The following PTPRD variants were observed in gnomAD, a reference collection of about 807,000 sequenced individuals.
PTPRD encodes the protein protein tyrosine phosphatase receptor type D.
A neutral mutation model predicts 214.5 loss-of-function variants in PTPRD; 34 were observed. The observed-to-expected ratio is 0.16, with a 90% confidence interval of 0.12 to 0.21. The LOEUF is 0.21. Among genes scored for constraint, PTPRD ranks in the 10% least tolerant of loss-of-function variants. PTPRD has a pLI of 1.00. For synonymous variants in PTPRD, 1,128 were observed against 845.7 expected (o/e 1.33, Z -5.79); for missense variants, 2,545 against 2,398.7 (o/e 1.06, Z -1.27).
At chr9:9,954,686 TCCTC>T (rs1392334755) in intron 4 of PTPRD, among the ~76,000 whole-genome samples, 3 of 152,054 alleles carry the variant, frequency 2.0e-5, no homozygotes, top group Admixed American at 6.6e-5. Context: ...AAAATAGTAA[TCCTC>T]CCTCCCATCT....
intron 8 of PTPRD, among the ~76,000 whole-genome samples, chr9:9,399,819 A>G (rs967034909): frequency 2.0e-5 from 3 of 152,054 alleles, no homozygotes; most frequent in African/African-American, 7.2e-5. Context: ...GCCATGTGGA[A>G]CTGTGAATGA....
intron 2 of PTPRD, among the ~76,000 whole-genome samples, chr9:10,537,114 G>A (rs1429561079): frequency 6.6e-6 from 1 of 151,970 alleles, no homozygotes; most frequent in Non-Finnish European, 1.5e-5. Context: ...AAAACTATAG[G>A]ACTATTGTCA....
chr9:10,608,592 A>G (rs2080107651), intron 2 of PTPRD, among the ~76,000 whole-genome samples: 1 of 152,150 alleles, frequency 6.6e-6, no homozygotes, highest in Non-Finnish European at 1.5e-5. Flanking sequence ...TATTCAGTAT[A>G]TTAGTCACAT....
chr9:8,519,818 G>T (rs1439664714), intron 20 of PTPRD, among the ~76,000 whole-genome samples: 1 of 152,158 alleles, frequency 6.6e-6, no homozygotes, highest in East Asian at 1.9e-4. Context: ...AGTGGCAAGA[G>T]TCAGGAAAAC....
At chr9:9,008,257 C>T (rs1303460116) in intron 11 of PTPRD, among the ~76,000 whole-genome samples, 4 of 59,840 alleles carry the variant, frequency 6.7e-5, no homozygotes, top group African/African-American at 1.5e-4. Flanking sequence ...GAGACAGAGT[C>T]TCACTCTGTT....
chr9:9,604,162 A>G (rs534368066), intron 7 of PTPRD, among the ~76,000 whole-genome samples: 5 of 152,206 alleles, frequency 3.3e-5, no homozygotes, highest in Admixed American at 1.3e-4. Context: ...TTAGAACATA[A>G]GCCACTGATT....
intron 7 of PTPRD, among the ~76,000 whole-genome samples, chr9:9,626,206 G>T (rs901007668): frequency 6.6e-6 from 1 of 152,204 alleles, no homozygotes; most frequent in Admixed American, 6.5e-5. Context: ...GCAGATGCCT[G>T]ATTTTTATTT....
At chr9:9,775,130 C>T (rs539022495) in intron 5 of PTPRD, among the ~76,000 whole-genome samples, 71 of 152,284 alleles carry the variant, frequency 4.7e-4, no homozygotes, top group African/African-American at 1.7e-3. Context: ...CAGGCATTTA[C>T]GTATCTGTCA....
chr9:10,518,987 G>A (rs1038157974), intron 2 of PTPRD, among the ~76,000 whole-genome samples: 2 of 151,256 alleles, frequency 1.3e-5, no homozygotes, highest in African/African-American at 4.9e-5. Context: ...TTTTTTAATG[G>A]TCAGAAGAAA....
At chr9:9,845,513 A>G (rs574149862) in intron 5 of PTPRD, among the ~76,000 whole-genome samples, 2 of 151,912 alleles carry the variant, frequency 1.3e-5, no homozygotes, top group South Asian at 4.2e-4. Context: ...GGGGGGCATC[A>G]ATTCATGTTA....
intron 39 of PTPRD, among the ~76,000 whole-genome samples, chr9:8,365,138 TA>T (rs111709042): frequency 0.066 from 9,905 of 150,162 alleles, 421 homozygotes; most frequent in Middle Eastern, 0.11. Flanking sequence ...CTCTGAAATT[TA>T]AAAAAAAAAT....
At chr9:10,133,660 T>G (rs2098919780) in intron 3 of PTPRD, among the ~76,000 whole-genome samples, 1 of 152,144 alleles carries the variant, frequency 6.6e-6, no homozygotes, top group African/African-American at 2.4e-5. Flanking sequence ...AAATAATATG[T>G]AAAGTAGAAA....
chr9:9,439,789 A>G (rs913035484), intron 8 of PTPRD, among the ~76,000 whole-genome samples: 2 of 152,214 alleles, frequency 1.3e-5, no homozygotes, highest in Non-Finnish European at 2.9e-5. Context: ...CTTTATTTGT[A>G]TAATTTCATT....
At chr9:10,108,159 T>C (rs1336065218) in intron 3 of PTPRD, among the ~76,000 whole-genome samples, 1 of 152,084 alleles carries the variant, frequency 6.6e-6, no homozygotes, top group Admixed American at 6.6e-5. Flanking sequence ...ATTTGTTATA[T>C]TGTTTTCTTT....
At chr9:9,970,852 G>A (rs557674719) in intron 4 of PTPRD, among the ~76,000 whole-genome samples, 5 of 152,262 alleles carry the variant, frequency 3.3e-5, no homozygotes, top group Admixed American at 3.3e-4. Context: ...ATGTCACACT[G>A]GAACATGGCG....
At chr9:10,171,091 A>G (rs149417121) in intron 3 of PTPRD, among the ~76,000 whole-genome samples, 1 of 152,308 alleles carries the variant, frequency 6.6e-6, no homozygotes, top group Non-Finnish European at 1.5e-5. Context: ...AACAGCAACA[A>G]TGTACATTTA....
Position 8,933,340 on chromosome 9 carries a change from G to GTTTTGTTTTTTTTTTTTTTTTTT in PTPRD, c.-104+85356_-104+85357insAAAAAAAAAAAAAAAAAACAAAA, listed in dbSNP as rs2098966631. ...CCATCTTGCCAGCCACAACCTTGAG[G>GTTTTGTTTTTTTTTTTTTTTTTT]TTTTTTTTTTTTTTTTTTTTTTTAC... On this transcript the variant is annotated intron_variant, in intron 11 of 45. Transcript: ENST00000381196. 3.6e-4 allele frequency among the ~76,000 whole-genome samples: 29 copies of GTTTTGTTTTTTTTTTTTTTTTTT among 80,426 alleles called. 1 individual carries two copies. Among genetic ancestry groups the GTTTTGTTTTTTTTTTTTTTTTTT allele is most frequent in the African/African-American group, 1.4e-3 (28 of 19,752 alleles). The allele number at this position is 80,426 out of a possible 152,430, so 52.8% of individuals were successfully genotyped here.
At chr9:8,498,297 G>C (rs1592066304) in intron 25 of PTPRD, among the ~76,000 whole-genome samples, 1 of 151,978 alleles carries the variant, frequency 6.6e-6, no homozygotes, top group African/African-American at 2.4e-5. Flanking sequence ...TATTTTTTGA[G>C]ATGCAATCTT....
chr9:8,795,746 G>C (rs917661364), intron 11 of PTPRD, among the ~76,000 whole-genome samples: 4 of 152,142 alleles, frequency 2.6e-5, no homozygotes, highest in Non-Finnish European at 4.4e-5. Context: ...TATTTATGAA[G>C]TGGAAACGCG....
Sources: allele counts gnomAD v4.1 joint callset (sites outside exome capture counted in the v4.1 genomes callset), GRCh38; gene constraint gnomAD v4.1.1; transcripts MANE v1.5; gene names NCBI Gene and HGNC (gene_info 2026-07-23, HGNC 2026-07-21).